Variants in PALB2 observed in about 807,000 individuals in gnomAD.
PALB2 encodes the protein partner and localizer of BRCA2.
PALB2 carries 82 observed loss-of-function variants against 107.4 expected under a neutral mutation model. The observed-to-expected ratio is 0.76, with a 90% CI of 0.64 to 0.92. The LOEUF is 0.92. Ranked by LOEUF, PALB2 falls within the 40% of genes least tolerant of loss-of-function variation. PALB2 has a pLI of 0.00. For missense variants in PALB2, 1,374 were observed against 1,379.9 expected, an observed-to-expected ratio of 1.00 and a Z score of 0.07; for synonymous variants, 489 against 496.8, an observed-to-expected ratio of 0.98 and a Z score of 0.21.
At chr16:23,634,493 T>A (rs1030293036) in intron 4 of PALB2, among the ~76,000 whole-genome samples, 1 of 151,974 alleles carries the variant, frequency 6.6e-6, no homozygotes, top group Admixed American at 6.6e-5. Flanking sequence ...CTACAAAAAA[T>A]TTTAAAACAT....
At chr16:23,610,877 G>A (rs980486482) in intron 11 of PALB2, among the ~76,000 whole-genome samples, 6 of 151,400 alleles carry the variant, frequency 4.0e-5, no homozygotes, top group Non-Finnish European at 4.4e-5. Flanking sequence ...CTCTACTAAA[G>A]ATACAAAAAA....
chr16:23,607,770 A>C, intron 12 of PALB2, 94 bp downstream of exon 12: 1 of 1,426,042 alleles, frequency 7.0e-7, no homozygotes, highest in Non-Finnish European at 9.9e-7. Flanking sequence ...CATGTTTTCC[A>C]TTCTTCTAAG....
At chr16:23,640,833 A>AG (rs1427417333) in intron 1 of PALB2, 1 of 397,292 alleles carries the variant, frequency 2.5e-6, no homozygotes, top group Non-Finnish European at 4.5e-6. Flanking sequence ...AGGGTGTGGG[A>AG]GGGGGGAGGA....
At chr16:23,611,081 T>A (rs1966577280) in intron 11 of PALB2, among the ~76,000 whole-genome samples, 2 of 76,868 alleles carry the variant, frequency 2.6e-5, no homozygotes, top group Non-Finnish European at 6.1e-5. Context: ...ACTGTCAGTC[T>A]ATCTATCTAT....
At chr16:23,606,330 C>G (rs1029596053) in intron 12 of PALB2, among the ~76,000 whole-genome samples, 1 of 151,948 alleles carries the variant, frequency 6.6e-6, no homozygotes, top group Non-Finnish European at 1.5e-5. Context: ...GGTGTGAACC[C>G]GGGAGGCAGA....
In PALB2 at chr16:23,621,371, A is replaced by G. The variant is rs1555459362; in HGVS notation, c.3104T>C (p.Ile1035Thr). The change falls in exon 10 of 13, where the codon ATT (isoleucine) becomes ACT (threonine). Residue 1035 changes from isoleucine to threonine, a missense_variant. Physicochemically the swap from Ile to Thr is moderately conservative, Grantham distance 89. Coordinates refer to ENST00000261584, the MANE Select transcript of PALB2 (RefSeq NM_024675.4). ...ALLGTTIMNN[I>T]VIWNLKTGQL... ...TAGAGGGAAAGCTTACCAAATAACAATGTTGTTCATAATAGTAGTACCAAG... is the reference window on the plus strand; with the variant it reads ...TAGAGGGAAAGCTTACCAAATAACAGTGTTGTTCATAATAGTAGTACCAAG... 1 of 1,608,480 alleles carries G rather than the reference A, an allele frequency of 6.2e-7. No homozygotes were observed. The highest frequency in any genetic ancestry group is 1.3e-5 in the African/African-American group (1 of 74,912).
chr16:23,632,244 G>A (rs573728881), intron 4 of PALB2, among the ~76,000 whole-genome samples: 25 of 152,252 alleles, frequency 1.6e-4, no homozygotes, highest in Admixed American at 1.4e-3. Flanking sequence ...AGGAGTTTGA[G>A]GCCAGCCTGG....
At chr16:23,613,518 C>T (rs1436594436) in intron 11 of PALB2, among the ~76,000 whole-genome samples, 1 of 152,012 alleles carries the variant, frequency 6.6e-6, no homozygotes, top group Non-Finnish European at 1.5e-5. Flanking sequence ...GTGGCGGGCA[C>T]CTGTAATCCC....
rs757055720 is a variant in PALB2 at position 23,624,019 on chromosome 16, T to C, written c.2824A>G (p.Arg942Gly). Residue 942 changes from arginine (R) to glycine (G), a missense_variant, in exon 8 of 13, where the codon AGA becomes GGA. Arg to Gly is a moderately radical substitution (Grantham distance 125). Transcript: ENST00000261584. ...TTGGGAATTACATACCTGATCTCTC[T>C]GATTTCCAAATTTCCCAAAGCTACA... is the stretch of plus-strand genomic sequence containing the variant. The part of the protein sequence containing the change: ...VCVALGNLEI[R>G]EIRALFCSSD... The C allele has an allele frequency of 6.3e-7, 1 of 1,589,672 alleles. No individual in the cohort carries two copies. Among genetic ancestry groups the C allele is most frequent in the Non-Finnish European group, 8.6e-7 (1 of 1,157,858 alleles).
At chr16:23,631,455 C>T (rs1267827750) in intron 4 of PALB2, among the ~76,000 whole-genome samples, 5 of 151,604 alleles carry the variant, frequency 3.3e-5, no homozygotes, top group Non-Finnish European at 5.9e-5. Context: ...GGCAACAGAG[C>T]GAGATTCTGT....
chr16:23,626,325 T>C lies in PALB2; in HGVS notation c.2659A>G (p.Ile887Val), dbSNP rs533814557. Residue 887 changes from isoleucine (I) to valine (V), a missense_variant, in exon 7 of 13, where the codon ATC becomes GTC. Physicochemically the swap from Ile to Val is conservative, Grantham distance 29. Transcript: ENST00000261584. ...ACTACATCTTCGCAAGCAGTTATGA[T>C]ACATGGCTCTTTACAACCGGCTCTT... ...WERAGCKEPC[I>V]ITACEDVVSL... The C allele has an allele frequency of 1.9e-6, 3 of 1,614,202 alleles. No homozygotes were observed. The highest frequency in any genetic ancestry group is 1.3e-5 in the African/African-American group (1 of 75,058).
At position 23,635,280 on chromosome 16, in the gene PALB2, T is replaced by C. The variant is rs1371849254; in HGVS notation, c.1266A>G (p.Lys422=). 1 of 1,614,198 alleles carries C rather than the reference T, an allele frequency of 6.2e-7. No homozygotes were observed. The highest frequency in any genetic ancestry group is 8.5e-7 in the Non-Finnish European group (1 of 1,180,040). Residue 422 remains lysine, a synonymous_variant, in exon 4 of 13, where the codon AAA becomes AAG. Transcript: ENST00000261584. ...TTRSMSNCQR[K]VAVEAVIQSH... ...TCTGAATGACAGCCTCCACGGCTAC[T>C]TTCCTCTGGCAATTGGACATGCTTC...
chr16:23,636,311 A>G lies in PALB2; in HGVS notation c.235T>C (p.Tyr79His), dbSNP rs1060502740. ...TGGGTTTTGATGTGTAACTTGTCAT[A>G]AACACATATTTTATTTTTAGGTTCT... ...HSEPKNKICVYDKLHIKTHLD... is the reference protein window; with the variant it reads ...HSEPKNKICVHDKLHIKTHLD... The change falls in exon 4 of 13, where the codon TAT becomes CAT. Residue 79 changes from tyrosine (Y) to histidine (H), a missense_variant. Tyr to His is a moderately conservative substitution (Grantham distance 83, BLOSUM62 2). Transcript: ENST00000261584. 1.2e-6 allele frequency: 2 copies of G among 1,610,972 alleles called. No individual in the cohort carries two copies. The highest frequency in any genetic ancestry group is 1.7e-6 in the Non-Finnish European group (2 of 1,178,464).
intron 1 of PALB2, among the ~76,000 whole-genome samples, 172 bp from the exon 2 acceptor site, chr16:23,638,301 G>A (rs550631341): frequency 8.5e-5 from 13 of 152,278 alleles, no homozygotes; most frequent in Admixed American, 8.5e-4. Context: ...CAGGATCTTT[G>A]CATAACCTGT....
At position 23,629,693 on chromosome 16, in the gene PALB2, T is replaced by A. The variant is rs958566673; in HGVS notation, c.2461A>T (p.Asn821Tyr). ...TGGCATGTGTTTCTACAGAGCTGAT[T>A]TTCTTTAAAAGTGAATGACTCAATG... Reference protein sequence around the residue: ...PPIESFTFKENQLCRNTCQEL... With the variant: ...PPIESFTFKEYQLCRNTCQEL... Residue 821 changes from asparagine (N) to tyrosine (Y), a missense_variant, in exon 5 of 13, where the codon AAT (asparagine) becomes TAT (tyrosine). Physicochemically the swap from Asn to Tyr is moderately radical, Grantham distance 143. Coordinates refer to ENST00000261584, the MANE Select transcript of PALB2 (RefSeq NM_024675.4). 1.2e-6 allele frequency: 2 copies of A among 1,614,220 alleles called. No homozygotes were observed.
chr16:23,614,713 G>C lies in PALB2; in HGVS notation c.3114-622C>G, dbSNP rs1229271484. Among the ~76,000 whole-genome samples, 3 of 144,112 alleles carry C rather than the reference G, an allele frequency of 2.1e-5. No homozygotes were observed. The East Asian group carries it at 6.2e-4, about 30-fold the overall frequency. The allele number at this position is 144,112 out of a possible 152,430, so 94.5% of individuals were successfully genotyped here. On this transcript the variant is annotated intron_variant, in intron 10 of 12. Transcript: ENST00000261584. The stretch of plus-strand genomic sequence containing the variant: ...TGGCCCAGGCTGGAGTGCAGTGGCG[G>C]GATCTCGGCTCACTGCAAGCTCCGC...
rs979068942 is a variant in PALB2 at position 23,641,271 on chromosome 16, G to A, written c.-114C>T. The A allele has an allele frequency of 1.2e-5, 16 of 1,374,178 alleles. No homozygotes were observed. The highest frequency in any genetic ancestry group is 5.0e-4 in the Middle Eastern group (2 of 4,000). The allele number at this position is 1,374,178 out of a possible 1,614,324, so 85.1% of individuals were successfully genotyped here. On this transcript the variant is annotated 5_prime_UTR_variant, in exon 1 of 13. Transcript: ENST00000261584. ...CCCCAGGAAGGAATGGGGAGCCCGG[G>A]ATCGCACCCTCAGTGCGCGATCAGC...
intron 4 of PALB2, among the ~76,000 whole-genome samples, chr16:23,632,264 T>C (rs1966885422): frequency 2.0e-5 from 3 of 152,074 alleles, no homozygotes; most frequent in South Asian, 4.2e-4. Context: ...GACAACATGG[T>C]GAAACCCCGT....
At chr16:23,638,726 T>C (rs1324793716) in intron 1 of PALB2, 1 of 355,974 alleles carries the variant, frequency 2.8e-6, no homozygotes, top group Non-Finnish European at 5.5e-6. Flanking sequence ...GGTAAAAAAA[T>C]ACACAGATAA....
Sources: gnomAD v4.1 joint callset for allele counts (sites outside exome capture counted in the v4.1 genomes callset) on GRCh38, gnomAD v4.1.1 for gene constraint, MANE v1.5 for transcripts, NCBI Gene and HGNC (gene_info 2026-07-23, HGNC 2026-07-21) for gene names.